Variants in AATK observed in about 807,000 individuals in gnomAD.
AATK encodes the protein lemur tail kinase 1.
In AATK, 91 loss-of-function variants were observed where a neutral mutation model predicts 114.3. That is an observed-to-expected ratio of 0.80 (90% CI 0.67 to 0.95). The LOEUF (loss-of-function observed/expected upper bound fraction) is 0.95. Among genes scored for constraint, AATK ranks in the 40% least tolerant of loss-of-function variants. The pLI, the probability that AATK is intolerant of heterozygous loss-of-function variation, is 0.00. For missense variants in AATK, 2,176 were observed against 1,965.2 expected, an observed-to-expected ratio of 1.11 and a Z score of -2.03; for synonymous variants, 1,075 against 916.5, an observed-to-expected ratio of 1.17 and a Z score of -3.12.
At chr17:81,134,573 C>T in intron 1 of AATK, 72 bp from the exon 2 acceptor site, 2 of 1,540,788 alleles carry the variant, frequency 1.3e-6, no homozygotes, top group Non-Finnish European at 1.8e-6. Flanking sequence ...GCTCTGGGCT[C>T]CACAGCCCCA....
At chr17:81,135,395 G>A (rs936969617) in intron 1 of AATK, among the ~76,000 whole-genome samples, 2 of 152,086 alleles carry the variant, frequency 1.3e-5, no homozygotes, top group South Asian at 2.1e-4. Flanking sequence ...CCGTCCCACC[G>A]CACCCAGCTC....
chr17:81,119,204 G>A (rs1345457446), intron 13 of AATK, among the ~76,000 whole-genome samples, 176 bp downstream of exon 13: 1 of 151,850 alleles, frequency 6.6e-6, no homozygotes, highest in Non-Finnish European at 1.5e-5. Context: ...GCCAGGCGAG[G>A]GCCAGGCGGG....
rs758253045 is a variant in AATK at position 81,121,923 on chromosome 17, C to T, written c.2013G>A (p.Arg671=). 3 of 1,600,330 alleles carry T rather than the reference C, an allele frequency of 1.9e-6. No homozygotes were observed. Among genetic ancestry groups the T allele is most frequent in the Non-Finnish European group, 2.5e-6 (3 of 1,178,374 alleles). The change falls in exon 11 of 14, where the codon AGG becomes AGA. Residue 671 remains arginine (R), a synonymous_variant. Coordinates refer to ENST00000326724, the MANE Select transcript of AATK (RefSeq NM_001080395.3). ...EDELEEVGAR[R]AAQRGHWRSN... is the part of the protein sequence containing the mutation. ...AGCGCCAGTGCCCGCGCTGGGCGGC[C>T]CTCCGCGCTCCCACCTCCTCTAGCT...
intron 6 of AATK, among the ~76,000 whole-genome samples, chr17:81,127,244 C>T (rs1337192162): frequency 2.6e-5 from 4 of 151,610 alleles, no homozygotes; most frequent in Non-Finnish European, 4.4e-5. Flanking sequence ...TGAGTGAGGC[C>T]GTGGAGCCCA....
At chr17:81,125,802 A>AGGGGGTGGAGTGGGGTGGGTT in intron 7 of AATK, 1 of 287,220 alleles carries the variant, frequency 3.5e-6, no homozygotes, top group Non-Finnish European at 7.1e-6. Flanking sequence ...TCCTGGGCCT[A>AGGGGGTGGAGTGGGGTGGGTT]GGGGGTGGAG....
intron 13 of AATK, among the ~76,000 whole-genome samples, chr17:81,118,771 G>A (rs1253068428): frequency 6.6e-6 from 1 of 152,218 alleles, no homozygotes; most frequent in Non-Finnish European, 1.5e-5. Context: ...CCTGCACCAG[G>A]GGTGAGGCTG....
chr17:81,155,223 G>A (rs555659472), intron 1 of AATK, among the ~76,000 whole-genome samples: 3 of 152,194 alleles, frequency 2.0e-5, no homozygotes, highest in Non-Finnish European at 2.9e-5. Flanking sequence ...GCGACTGCAC[G>A]TGTGGCGGTG....
In AATK at chr17:81,134,378, A is replaced by C; in HGVS notation, c.179T>G (p.Ile60Ser). The C allele has an allele frequency of 1.9e-6, 3 of 1,613,190 alleles. No homozygotes were observed. Among genetic ancestry groups the C allele is most frequent in the Non-Finnish European group, 2.5e-6 (3 of 1,179,790 alleles). Residue 60 changes from isoleucine to serine, a missense_variant, in exon 2 of 14, where the codon ATC becomes AGC. Ile to Ser is a moderately radical substitution (Grantham distance 142, BLOSUM62 -2). This residue lies in a region of AATK where 178 missense variants were observed against 175.4 expected (regional missense o/e 1.01). Coordinates refer to ENST00000326724, the MANE Select transcript of AATK (RefSeq NM_001080395.3). The part of the protein sequence containing the change: ...LACLCCKKGG[I>S]GFKEFENAEG... ...GCCCCCAGGCCTCACCTTGAACCCG[A>C]TACCGCCCTTCTTACAGCACAGGCA...
rs376907005 is a variant in AATK at position 81,119,470 on chromosome 17, C to CGGGCGTGGGCGTGGGCGT, written c.3993_3994insACGCCCACGCCCACGCCC (p.Pro1331_Ala1332insThrProThrProThrPro). ...GACACCGTGAAGCGCGAGAAGGGAGCGGGCGTGGGCGTGGGCGCAGCCGGG... is the reference window on the plus strand; with the variant it reads ...GACACCGTGAAGCGCGAGAAGGGAGCGGGCGTGGGCGTGGGCGTGGGCGTGGGCGTGGGCGCAGCCGGG... On this transcript the variant is annotated inframe_insertion, in exon 13 of 14. Transcript: ENST00000326724. 4.7e-5 allele frequency: 71 copies of CGGGCGTGGGCGTGGGCGT among 1,505,600 alleles called. No individual in the cohort carries two copies. In the African/African-American group the frequency reaches 8.1e-4, roughly 17 times the overall value. The allele number at this position is 1,505,600 out of a possible 1,614,324, so 93.3% of individuals were successfully genotyped here.
At chr17:81,119,108 G>C (rs535268195) in intron 13 of AATK, among the ~76,000 whole-genome samples, 30 of 152,136 alleles carry the variant, frequency 2.0e-4, no homozygotes, top group Admixed American at 1.3e-3. Context: ...GGGTCAGGCA[G>C]AGGAGAGCCG....
intron 8 of AATK, 25 bp downstream of exon 8, chr17:81,124,905 G>GGCCCCCCC (rs2060777826): frequency 2.1e-5 from 32 of 1,502,836 alleles, no homozygotes; most frequent in Non-Finnish European, 2.6e-5. Context: ...CTCATGCCCA[G>GGCCCCCCC]CCCAGCCCAC....
chr17:81,153,466 G>A (rs1051941579), intron 1 of AATK, among the ~76,000 whole-genome samples: 3 of 152,160 alleles, frequency 2.0e-5, no homozygotes, highest in Non-Finnish European at 2.9e-5. Context: ...TTAAAGATGC[G>A]TCATTTGCCT....
In AATK at chr17:81,124,827, C is replaced by G; in HGVS notation, c.862G>C (p.Asp288His). 8 of 1,611,382 alleles carry G rather than the reference C, an allele frequency of 5.0e-6. No individual in the cohort carries two copies. The highest frequency in any genetic ancestry group is 6.8e-6 in the Non-Finnish European group (8 of 1,179,178). ...KYREDYFVTA[D>H]QLWVPLRWIA... The stretch of plus-strand genomic sequence containing the variant: ...CAGCGCAGAGGCACCCACAGCTGGT[C>G]GGCAGTCACGAAGTAGTCCTCCTGT... The change falls in exon 9 of 14, where the codon GAC becomes CAC. Residue 288 changes from aspartate to histidine, a missense_variant. By Grantham distance (81) the Asp-to-His change is moderately conservative. This residue lies in a region of AATK where 273 missense variants were observed against 344.1 expected (regional missense o/e 0.79). Transcript: ENST00000326724.
intron 1 of AATK, among the ~76,000 whole-genome samples, chr17:81,149,293 C>T (rs1255891279): frequency 3.9e-5 from 6 of 152,166 alleles, no homozygotes; most frequent in African/African-American, 7.2e-5. Context: ...CCAGTGGCCA[C>T]CGCCCACACC....
intron 3 of AATK, chr17:81,129,005 G>A: frequency 1.2e-6 from 1 of 831,666 alleles, no homozygotes; most frequent in Non-Finnish European, 1.5e-6. Context: ...GGGGCTGCTT[G>A]GCACGGCCCC....
intron 5 of AATK, 43 bp downstream of exon 5, chr17:81,127,749 G>A (rs1243829688): frequency 6.6e-7 from 1 of 1,509,504 alleles, no homozygotes; most frequent in Admixed American, 2.0e-5. Context: ...AGGGAGAGGA[G>A]GGGGCCGCAC....
Position 81,120,624 on chromosome 17 carries a change from G to A in AATK, c.3312C>T (p.Thr1104=). The A allele has an allele frequency of 1.3e-6, 2 of 1,546,046 alleles. No individual in the cohort carries two copies. Among genetic ancestry groups the A allele is most frequent in the Non-Finnish European group, 1.7e-6 (2 of 1,149,490 alleles). Residue 1104 remains threonine, a synonymous_variant, in exon 11 of 14, where the codon ACC becomes ACT. Transcript: ENST00000326724. ...TGCCTTCTGATCTCAGCGGAACCGGGGTCAGCAGGAAAAACTGGGAGCAGC... is the reference window on the plus strand; with the variant it reads ...TGCCTTCTGATCTCAGCGGAACCGGAGTCAGCAGGAAAAACTGGGAGCAGC... ...SPSCSQFFLL[T]PVPLRSEGNS...
intron 1 of AATK, among the ~76,000 whole-genome samples, chr17:81,154,319 C>CTTTTTTT (rs202002919): frequency 1.8e-4 from 20 of 113,762 alleles, no homozygotes; most frequent in East Asian, 5.1e-4. Context: ...TTTTTTCTTT[C>CTTTTTTT]TTTTTTTTTT....
At chr17:81,157,334 A>G (rs1488011175) in intron 1 of AATK, among the ~76,000 whole-genome samples, 2 of 152,164 alleles carry the variant, frequency 1.3e-5, no homozygotes, top group Non-Finnish European at 2.9e-5. Flanking sequence ...CAGCCCATGC[A>G]CACGCTCGCC....
Sources: allele counts gnomAD v4.1 joint callset (sites outside exome capture counted in the v4.1 genomes callset), GRCh38; gene constraint gnomAD v4.1.1; regional missense constraint gnomAD v4.1.1; transcripts MANE v1.5; gene names NCBI Gene and HGNC (gene_info 2026-07-23, HGNC 2026-07-21).